Variants in CPB2 observed in about 807,000 individuals in gnomAD.
CPB2 encodes the protein carboxypeptidase B-like protein.
A neutral mutation model predicts 57.0 loss-of-function variants in CPB2; 54 were observed. The observed-to-expected ratio is 0.95, with a 90% CI of 0.76 to 1.19. CPB2 has a LOEUF of 1.19. Ranked by LOEUF, CPB2 falls within the 50% of genes most tolerant of loss-of-function variation. The pLI is 0.00. For missense variants in CPB2, 426 were observed against 512.0 expected (o/e 0.83, Z 1.62); for synonymous variants, 189 against 178.1 (o/e 1.06, Z -0.49).
intron 2 of CPB2, among the ~76,000 whole-genome samples, chr13:46,084,947 T>C (rs2139398127): frequency 6.6e-6 from 1 of 151,710 alleles, no homozygotes; most frequent in Non-Finnish European, 1.5e-5. Flanking sequence ...GCCTCCCGAG[T>C]TCTCGCCATT....
At chr13:46,077,438 G>C (rs1436848542) in intron 5 of CPB2, among the ~76,000 whole-genome samples, 1 of 152,166 alleles carries the variant, frequency 6.6e-6, no homozygotes, top group Non-Finnish European at 1.5e-5. Context: ...ATGCTAGAGA[G>C]GATGTGGAGA....
rs913305624 is a variant in CPB2 at position 46,067,249 on chromosome 13, C to T, written c.702+58G>A. ...TCCAGAATTCTATGAATAATTCAAC[C>T]TGTATATCCTATATCCCCAAGGAGA... On this transcript the variant is annotated intron_variant, in intron 7 of 10. Coordinates refer to ENST00000181383, the MANE Select transcript of CPB2 (RefSeq NM_001872.5). 7 of 823,822 alleles carry T rather than the reference C, an allele frequency of 8.5e-6. No individual in the cohort carries two copies. In the East Asian group the frequency reaches 1.8e-4, roughly 21 times the overall value. The allele number at this position is 823,822 out of a possible 1,614,324, so 51.0% of individuals were successfully genotyped here.
At chr13:46,082,635 A>G in intron 3 of CPB2, 86 bp from the exon 4 acceptor site, 1 of 742,292 alleles carries the variant, frequency 1.3e-6, no homozygotes, top group Non-Finnish European at 2.3e-6. Flanking sequence ...GCAGGTGAGC[A>G]TGAAGAAAAA....
chr13:46,080,844 C>A lies in CPB2; in HGVS notation c.384+1597G>T, dbSNP rs889464735. On this transcript the variant is annotated intron_variant, in intron 4 of 10. Transcript: ENST00000181383. ...AAAATTAGCTGAGCGTGGTGGTATG[C>A]GCCTCTAGTCCCAGCTACTCTGGAG... Among the ~76,000 whole-genome samples the A allele has an allele frequency of 2.6e-5, 4 of 151,794 alleles. 1 individual carries two copies. The highest frequency in any genetic ancestry group is 6.6e-5 in the Admixed American group (1 of 15,226).
chr13:46,092,635 G>C (rs1467667983), intron 1 of CPB2, among the ~76,000 whole-genome samples: 2 of 152,172 alleles, frequency 1.3e-5, no homozygotes, highest in Admixed American at 6.5e-5. Flanking sequence ...ATGTCTAAGA[G>C]TGGGTAAAGG....
chr13:46,100,898 C>T (rs2045426637), intron 1 of CPB2: 1 of 152,056 alleles, frequency 6.6e-6, no homozygotes, highest in Non-Finnish European at 1.5e-5. Flanking sequence ...ATAAAGATGT[C>T]TCACACAACT....
chr13:46,059,664 G>A (rs754175031), intron 8 of CPB2, among the ~76,000 whole-genome samples: 6 of 152,236 alleles, frequency 3.9e-5, no homozygotes, highest in South Asian at 2.1e-4. Context: ...TCACAGAGAT[G>A]AGAAGGGGAG....
chr13:46,102,161 C>G (rs935653439), intron 1 of CPB2, among the ~76,000 whole-genome samples: 1 of 152,156 alleles, frequency 6.6e-6, no homozygotes, highest in South Asian at 2.1e-4. Flanking sequence ...ATTAATAATT[C>G]AGAAGCCCTT....
intron 1 of CPB2, chr13:46,099,272 T>A (rs1481214479): frequency 6.6e-6 from 1 of 151,894 alleles, no homozygotes; most frequent in Non-Finnish European, 1.5e-5. Flanking sequence ...TATAGAGATA[T>A]ACCAGGAAAT....
Position 46,058,313 on chromosome 13 carries a change from C to G in CPB2, c.865G>C (p.Val289Leu). 6.2e-7 allele frequency: 1 copy of G among 1,614,132 alleles called. No individual in the cohort carries two copies. The highest frequency in any genetic ancestry group is 1.1e-5 in the South Asian group (1 of 91,086). The change falls in exon 9 of 11, where the codon GTG becomes CTG. Residue 289 changes from valine (V) to leucine (L), a missense_variant. Physicochemically the swap from Val to Leu is conservative, Grantham distance 32 (BLOSUM62 1). Transcript: ENST00000181383. The stretch of plus-strand genomic sequence containing the variant: ...CTCAAGAAACTAGCCACTGCCTTCA[C>G]TTCTGGTTCTGACTCAGGATAAAGT... ...CGLYPESEPE[V>L]KAVASFLRRN... is the part of the protein sequence containing the mutation.
intron 9 of CPB2, 53 bp downstream of exon 9, chr13:46,058,126 G>T: frequency 1.3e-6 from 2 of 1,521,216 alleles, no homozygotes; most frequent in Non-Finnish European, 1.8e-6. Flanking sequence ...CTTCAACTAA[G>T]TATTATTTTA....
chr13:46,066,007 G>A (rs9534303), intron 7 of CPB2, among the ~76,000 whole-genome samples: 52,211 of 151,918 alleles, frequency 0.34, 9,198 homozygotes, highest in African/African-American at 0.39. Flanking sequence ...TTTGGCATTT[G>A]CCCACCTCCA....
In CPB2 at chr13:46,053,665, T is replaced by C; in HGVS notation, c.1221A>G (p.Glu407=). The C allele has an allele frequency of 1.2e-6, 2 of 1,614,190 alleles. No homozygotes were observed. Among genetic ancestry groups the C allele is most frequent in the Non-Finnish European group, 1.7e-6 (2 of 1,180,026 alleles). The change falls in exon 11 of 11, where the codon GAA becomes GAG. Residue 407 remains glutamate, a synonymous_variant. Transcript: ENST00000181383. The stretch of plus-strand genomic sequence containing the variant: ...CTATTTTAGAGACAGCGGCAAAAGC[T>C]TCTCTACAGGTGGGTTTGATGTAAC... The part of the protein sequence containing the change: ...PERYIKPTCR[E]AFAAVSKIAW...
chr13:46,084,004 A>T (rs2045159478), intron 3 of CPB2, among the ~76,000 whole-genome samples: 1 of 152,214 alleles, frequency 6.6e-6, no homozygotes, highest in Admixed American at 6.5e-5. Flanking sequence ...TGCATTTTAG[A>T]TAAGGGACGG....
rs895766952 is a variant in CPB2, at chr13:46,100,708, T to C, written c.74+4228A>G. On this transcript the variant is annotated intron_variant, in intron 1 of 10. Coordinates refer to ENST00000181383, the MANE Select transcript of CPB2 (RefSeq NM_001872.5). Reference sequence around the variant, plus strand: ...TGGTCTCTAGTTGGCTAGATAGTAGTAGTTAAAATGAAAAGAAACACTTAA... The same window carrying C: ...TGGTCTCTAGTTGGCTAGATAGTAGCAGTTAAAATGAAAAGAAACACTTAA... The C allele has an allele frequency of 4.9e-4, 74 of 152,090 alleles. 1 individual carries two copies. The highest frequency in any genetic ancestry group is 1.6e-3 in the African/African-American group (65 of 41,390). 9.4% of individuals were successfully genotyped at this position (152,090 alleles called of 1,614,324 possible).
At chr13:46,092,906 TG>T (rs1261637394) in intron 1 of CPB2, among the ~76,000 whole-genome samples, 13 of 152,114 alleles carry the variant, frequency 8.5e-5, no homozygotes, top group African/African-American at 3.1e-4. Flanking sequence ...TTCCTTTGTT[TG>T]TTTTTGTTTG....
intron 4 of CPB2, 32 bp from the exon 5 acceptor site, chr13:46,078,933 A>C: frequency 5.0e-6 from 7 of 1,388,214 alleles, no homozygotes; most frequent in Non-Finnish European, 7.2e-6. Context: ...GTTAGTCACG[A>C]AGCCAAGTTC....
intron 1 of CPB2, chr13:46,100,549 G>A (rs1335697291): frequency 1.3e-5 from 2 of 152,048 alleles, no homozygotes; most frequent in South Asian, 2.1e-4. Context: ...ATGAAGTTTC[G>A]GGGTGCACTC....
chr13:46,057,547 A>G (rs1237227386), intron 9 of CPB2, among the ~76,000 whole-genome samples: 1 of 152,210 alleles, frequency 6.6e-6, no homozygotes, highest in Non-Finnish European at 1.5e-5. Context: ...CAATCCTTCA[A>G]GAATCCTTGC....
Sources: allele counts gnomAD v4.1 joint callset (sites outside exome capture counted in the v4.1 genomes callset), GRCh38; gene constraint gnomAD v4.1.1; transcripts MANE v1.5; gene names NCBI Gene and HGNC (gene_info 2026-07-23, HGNC 2026-07-21).